DLGAP2: variants seen among roughly 807,000 people sequenced by gnomAD.
DLGAP2 encodes the protein DLG associated protein 2.
A neutral mutation model predicts 100.3 loss-of-function variants in DLGAP2; 26 were observed. That is an observed-to-expected ratio of 0.26 (90% CI 0.19 to 0.36). The LOEUF (loss-of-function observed/expected upper bound fraction) is 0.36, where lower values mean the gene tolerates loss of function less well. Among genes scored for constraint, DLGAP2 ranks in the 10% least tolerant of loss-of-function variants. The pLI, the probability that DLGAP2 is intolerant of heterozygous loss-of-function variation, is 1.00. For missense variants in DLGAP2, 1,858 were observed against 1,453.2 expected, an observed-to-expected ratio of 1.28 and a Z score of -4.53; for synonymous variants, 886 against 630.1, an observed-to-expected ratio of 1.41 and a Z score of -6.08.
At chr8:1,540,033 G>A (rs1294140036) in intron 4 of DLGAP2, among the ~76,000 whole-genome samples, 8 of 152,154 alleles carry the variant, frequency 5.3e-5, no homozygotes, top group Non-Finnish European at 1.5e-5. Context: ...GACCCAGACA[G>A]GGCCTCCTCT....
intron 3 of DLGAP2, among the ~76,000 whole-genome samples, chr8:1,490,915 T>C (rs34681625): frequency 0.68 from 99,439 of 146,362 alleles, 34,782 homozygotes; most frequent in African/African-American, 0.83. Flanking sequence ...AGGAGATATA[T>C]CTAATGCTAA....
chr8:1,648,318 A>T (rs1471013757), intron 8 of DLGAP2, among the ~76,000 whole-genome samples: 1 of 152,210 alleles, frequency 6.6e-6, no homozygotes, highest in African/African-American at 2.4e-5. Context: ...AGGGGCACCC[A>T]TGCATCCTTA....
intron 3 of DLGAP2, among the ~76,000 whole-genome samples, chr8:1,388,879 G>T (rs1188014882): frequency 8.1e-6 from 1 of 123,728 alleles, no homozygotes; most frequent in African/African-American, 3.2e-5. Context: ...ATGGGGAGGC[G>T]CTGGTTCAAG....
At chr8:1,173,638 T>G (rs559853539) in intron 2 of DLGAP2, among the ~76,000 whole-genome samples, 178 of 152,270 alleles carry the variant, frequency 1.2e-3, no homozygotes, top group Non-Finnish European at 1.9e-3. Context: ...CTTAGACTGC[T>G]GTGCTAGCAA....
intron 2 of DLGAP2, among the ~76,000 whole-genome samples, chr8:1,160,521 G>A (rs1796869602): frequency 6.6e-6 from 1 of 152,204 alleles, no homozygotes; most frequent in Non-Finnish European, 1.5e-5. Context: ...TGAGAAGGAC[G>A]TGGTCCACGT....
chr8:941,292 A>G (rs919625897), intron 2 of DLGAP2, among the ~76,000 whole-genome samples: 6 of 152,022 alleles, frequency 3.9e-5, no homozygotes, highest in Non-Finnish European at 1.5e-5. Flanking sequence ...CTGTGTATCT[A>G]GGATTTTGGG....
At chr8:1,538,152 C>T (rs974312857) in intron 4 of DLGAP2, among the ~76,000 whole-genome samples, 1 of 152,188 alleles carries the variant, frequency 6.6e-6, no homozygotes, top group African/African-American at 2.4e-5. Context: ...CTCAGTCCTC[C>T]CTGCATTCCC....
intron 2 of DLGAP2, among the ~76,000 whole-genome samples, chr8:973,803 G>C (rs1266153896): frequency 2.0e-5 from 3 of 151,256 alleles, no homozygotes; most frequent in African/African-American, 7.3e-5. Flanking sequence ...GCGAATCCGG[G>C]GCTCGGGCCC....
At chr8:1,256,697 T>G (rs1467553847) in intron 2 of DLGAP2, among the ~76,000 whole-genome samples, 1 of 152,198 alleles carries the variant, frequency 6.6e-6, no homozygotes, top group East Asian at 1.9e-4. Flanking sequence ...GGAAACTGAC[T>G]GTGGGCCCTC....
At chr8:764,342 C>T (rs1426049355) in intron 1 of DLGAP2, among the ~76,000 whole-genome samples, 1 of 152,194 alleles carries the variant, frequency 6.6e-6, no homozygotes, top group African/African-American at 2.4e-5. Context: ...TAAACCTTTA[C>T]TCGGTAATTT....
At chr8:1,492,556 G>A (rs1017521703) in intron 3 of DLGAP2, among the ~76,000 whole-genome samples, 1 of 152,208 alleles carries the variant, frequency 6.6e-6, no homozygotes, top group Non-Finnish European at 1.5e-5. Flanking sequence ...ACCGCGCTTC[G>A]CTCCGCAAAC....
intron 5 of DLGAP2, among the ~76,000 whole-genome samples, chr8:1,556,784 CAACA>C (rs1031026322): frequency 2.8e-4 from 42 of 152,274 alleles, no homozygotes; most frequent in African/African-American, 9.9e-4. Context: ...GGAAAAACCA[CAACA>C]AACAAACAGG....
chr8:766,652 C>G (rs1821223498), intron 1 of DLGAP2, among the ~76,000 whole-genome samples: 1 of 152,160 alleles, frequency 6.6e-6, no homozygotes, highest in South Asian at 2.1e-4. Context: ...TGTCCGTTGA[C>G]CAGTGGGCAC....
At position 1,421,203 on chromosome 8, in the gene DLGAP2, C is replaced by T. The variant is rs578239934; in HGVS notation, c.107-80163C>T. ...CATTTTTCCTGGAACATAGCTCTAA[C>T]ATCTGAGTGTTTCATGTTGTGTGTG... On this transcript the variant is annotated intron_variant, in intron 3 of 14. Coordinates refer to ENST00000637795, the MANE Select transcript of DLGAP2 (RefSeq NM_001346810.2). Among the ~76,000 whole-genome samples the T allele has an allele frequency of 2.6e-5, 4 of 152,346 alleles. No homozygotes were observed. The South Asian group carries it at 8.3e-4, about 32-fold the overall frequency.
intron 3 of DLGAP2, among the ~76,000 whole-genome samples, chr8:1,386,441 A>G (rs1018326180): frequency 4.6e-5 from 7 of 152,196 alleles, no homozygotes; most frequent in African/African-American, 1.2e-4. Flanking sequence ...GATGGCTTCC[A>G]TCTTCTCCAG....
chr8:1,056,485 C>A (rs564618419), intron 2 of DLGAP2, among the ~76,000 whole-genome samples: 12 of 152,266 alleles, frequency 7.9e-5, no homozygotes, highest in African/African-American at 2.9e-4. Context: ...TTCAAAGAGC[C>A]ATTCTTTAGT....
At chr8:964,098 C>A (rs1403257139) in intron 2 of DLGAP2, among the ~76,000 whole-genome samples, 3 of 152,166 alleles carry the variant, frequency 2.0e-5, no homozygotes, top group African/African-American at 7.2e-5. Flanking sequence ...AAATTCAAGT[C>A]TTATGTAAAA....
chr8:1,028,292 TTATTCTCCAGGTCGG>T (rs1469818930), intron 2 of DLGAP2, among the ~76,000 whole-genome samples: 269 of 139,466 alleles, frequency 1.9e-3, no homozygotes, highest in South Asian at 0.01. Context: ...CAGGCGCCCG[TTATTCTCCAGGTCGG>T]GTGTCAGGCG....
At chr8:777,003 C>T (rs983654780) in intron 1 of DLGAP2, among the ~76,000 whole-genome samples, 3 of 152,062 alleles carry the variant, frequency 2.0e-5, no homozygotes, top group Admixed American at 2.0e-4. Context: ...TTGTAGGTCA[C>T]TCAGGACTTG....
Sources: gnomAD v4.1 joint callset for allele counts (sites outside exome capture counted in the v4.1 genomes callset) on GRCh38, gnomAD v4.1.1 for gene constraint, MANE v1.5 for transcripts, NCBI Gene and HGNC (gene_info 2026-07-23, HGNC 2026-07-21) for gene names.